The following FAM171A1 variants were observed in gnomAD, a reference collection of about 807,000 sequenced individuals.
FAM171A1 encodes family with sequence similarity 171 member A1, also known as protein FAM171A1.
In FAM171A1, 23 loss-of-function variants were observed where a neutral mutation model predicts 74.9. That is an observed-to-expected ratio of 0.31 (90% CI 0.22 to 0.44). The LOEUF (loss-of-function observed/expected upper bound fraction) is 0.44. FAM171A1 is among the 20% of genes least tolerant of loss of function. FAM171A1 has a pLI of 1.00. For synonymous variants in FAM171A1, 527 were observed against 505.7 expected (o/e 1.04, Z -0.57); for missense variants, 1,162 against 1,159.2 (o/e 1.00, Z -0.03).
At chr10:15,330,358 C>CA (rs1835613045) in intron 1 of FAM171A1, among the ~76,000 whole-genome samples, 1 of 152,042 alleles carries the variant, frequency 6.6e-6, no homozygotes, top group Admixed American at 6.6e-5. Context: ...ACCACAGTGT[C>CA]AAAATCATGA....
At chr10:15,333,220 G>T (rs1284099384) in intron 1 of FAM171A1, among the ~76,000 whole-genome samples, 2 of 152,242 alleles carry the variant, frequency 1.3e-5, no homozygotes, top group Non-Finnish European at 2.9e-5. Flanking sequence ...TGGGCTGGGT[G>T]CTGTGGCTCA....
Position 15,283,933 on chromosome 10 carries a change from G to A in FAM171A1, c.270C>T (p.Ala90=), listed in dbSNP as rs758753569. 1 of 1,614,204 alleles carries A rather than the reference G, an allele frequency of 6.2e-7. No individual in the cohort carries two copies. The highest frequency in any genetic ancestry group is 8.5e-7 in the Non-Finnish European group (1 of 1,180,046). ...YKLGSQLIVT[A]SKHAYVPNSA... ...AGTTTGGCACGTAGGCATGCTTCGA[G>A]GCGGTGACAATCAACTGACTGCCCA... Residue 90 remains alanine (A), a synonymous_variant, in exon 2 of 8, where the codon GCC becomes GCT. Transcript: ENST00000378116.
chr10:15,249,038 G>T (rs139281724), intron 4 of FAM171A1, among the ~76,000 whole-genome samples: 5 of 151,952 alleles, frequency 3.3e-5, no homozygotes, highest in Non-Finnish European at 5.9e-5. Flanking sequence ...ATGGTAGGTG[G>T]CCTAAGGGCA....
At chr10:15,250,179 C>T (rs755396383) in intron 4 of FAM171A1, among the ~76,000 whole-genome samples, 4 of 152,110 alleles carry the variant, frequency 2.6e-5, no homozygotes, top group African/African-American at 4.8e-5. Context: ...CATTCATACC[C>T]GTCTGTTTTT....
At chr10:15,287,426 T>G (rs1302865203) in intron 1 of FAM171A1, among the ~76,000 whole-genome samples, 1 of 147,818 alleles carries the variant, frequency 6.8e-6, no homozygotes. Context: ...TTTCGCTCTG[T>G]CCCCAGGCTG....
At chr10:15,310,944 G>C (rs79670432) in intron 1 of FAM171A1, among the ~76,000 whole-genome samples, 1,894 of 152,216 alleles carry the variant, frequency 0.012, 41 homozygotes, top group African/African-American at 0.043. Context: ...CCAAGCACGT[G>C]GGTCTTGGAG....
rs145378121 is a variant in FAM171A1 at position 15,224,382 on chromosome 10, G to A, written c.755-3322C>T. On this transcript the variant is annotated intron_variant, in intron 5 of 7. Transcript: ENST00000378116. ...AAGGAGTTAGGCATCCTTCTGGGAC[G>A]ATCTTCACACCCCATTTGCTGCAGG... Among the ~76,000 whole-genome samples the A allele has an allele frequency of 2.5e-3, 380 of 152,196 alleles. 3 individuals are homozygous for A. Among genetic ancestry groups the A allele is most frequent in the African/African-American group, 8.0e-3 (334 of 41,514 alleles).
chr10:15,224,693 C>T (rs537228289), intron 5 of FAM171A1, among the ~76,000 whole-genome samples: 7 of 152,302 alleles, frequency 4.6e-5, no homozygotes, highest in African/African-American at 1.4e-4. Flanking sequence ...TTGCCTGCCA[C>T]CATGTAAGAT....
chr10:15,295,375 T>G (rs1835149687), intron 1 of FAM171A1, among the ~76,000 whole-genome samples: 1 of 152,222 alleles, frequency 6.6e-6, no homozygotes, highest in Non-Finnish European at 1.5e-5. Flanking sequence ...CATAAAATCT[T>G]TTATGGTTTT....
intron 1 of FAM171A1, among the ~76,000 whole-genome samples, chr10:15,370,138 G>A (rs1205989979): frequency 6.6e-6 from 1 of 151,986 alleles, no homozygotes; most frequent in Non-Finnish European, 1.5e-5. Context: ...GCCATTCTCA[G>A]AGGCGACCAC....
chr10:15,348,735 C>T (rs1835845381), intron 1 of FAM171A1, among the ~76,000 whole-genome samples: 1 of 152,120 alleles, frequency 6.6e-6, no homozygotes, highest in Admixed American at 6.5e-5. Flanking sequence ...TAACAAGATC[C>T]CCAGCTGATT....
At chr10:15,328,880 C>T (rs753848827) in intron 1 of FAM171A1, among the ~76,000 whole-genome samples, 2 of 152,158 alleles carry the variant, frequency 1.3e-5, no homozygotes, top group Non-Finnish European at 2.9e-5. Flanking sequence ...TCAGAAACCT[C>T]GGGTCCCTCA....
intron 1 of FAM171A1, among the ~76,000 whole-genome samples, chr10:15,309,610 A>G (rs1394520763): frequency 1.3e-5 from 2 of 152,282 alleles, no homozygotes; most frequent in African/African-American, 4.8e-5. Flanking sequence ...AAACCACAGC[A>G]TTCAAAGTCT....
intron 5 of FAM171A1, among the ~76,000 whole-genome samples, chr10:15,240,619 T>C (rs753593394): frequency 3.9e-5 from 6 of 152,214 alleles, no homozygotes; most frequent in Admixed American, 6.5e-5. Context: ...GATCCCACTC[T>C]CACGGGGTTT....
intron 1 of FAM171A1, among the ~76,000 whole-genome samples, chr10:15,347,733 G>A (rs1477593996): frequency 3.3e-5 from 5 of 151,126 alleles, no homozygotes; most frequent in African/African-American, 9.8e-5. Flanking sequence ...CTACTTGGAG[G>A]CTGAGGCAGG....
rs58180755 is a variant in FAM171A1, at chr10:15,331,867, ATGTG to A, written c.97+39085_97+39088del. Among the ~76,000 whole-genome samples the A allele has an allele frequency of 5.3e-3, 442 of 82,960 alleles. 13 individuals are homozygous for A. The highest frequency in any genetic ancestry group is 0.026 in the African/African-American group (415 of 16,146). The allele number at this position is 82,960 out of a possible 152,430, so 54.4% of individuals were successfully genotyped here. On this transcript the variant is annotated intron_variant, in intron 1 of 7. Transcript: ENST00000378116. ...TGTGTATATATATGTGTGTATATAT[ATGTG>A]TGTGTATACATATATATATATATAT...
chr10:15,353,577 G>A (rs1034160109), intron 1 of FAM171A1, among the ~76,000 whole-genome samples: 2 of 152,130 alleles, frequency 1.3e-5, no homozygotes, highest in African/African-American at 4.8e-5. Context: ...AGAAAACATC[G>A]TCTCTTTTTA....
At chr10:15,299,005 C>A (rs951187375) in intron 1 of FAM171A1, among the ~76,000 whole-genome samples, 2 of 152,206 alleles carry the variant, frequency 1.3e-5, no homozygotes, top group Admixed American at 1.3e-4. Flanking sequence ...ACTGCAACCT[C>A]TACCTCCCAG....
Position 15,284,059 on chromosome 10 carries a change from G to A in FAM171A1, c.144C>T (p.Pro48=), listed in dbSNP as rs200690000. ...AGATCTCGATGAGCGCATCTGCTAC[G>A]GGCTGGTGGGTGCTGGCGTCGCTGA... is the stretch of plus-strand genomic sequence containing the variant. ...VHISDASTHQ[P]VADALIEIFT... The change falls in exon 2 of 8, where the codon CCC becomes CCT. Residue 48 remains proline, a synonymous_variant. Transcript: ENST00000378116. 130 of 1,610,698 alleles carry A rather than the reference G, an allele frequency of 8.1e-5. No homozygotes were observed. Among genetic ancestry groups the A allele is most frequent in the Admixed American group, 6.5e-4 (39 of 59,686 alleles).
Sources: allele counts gnomAD v4.1 joint callset (sites outside exome capture counted in the v4.1 genomes callset), GRCh38; gene constraint gnomAD v4.1.1; transcripts MANE v1.5; gene names NCBI Gene and HGNC (gene_info 2026-07-23, HGNC 2026-07-21).